Variants in MIR2052HG observed in about 807,000 individuals in gnomAD.
MIR2052HG encodes MIR2052 host gene.
At chr8:74,611,408 C>T (rs951197967) in intron 1 of MIR2052HG, among the ~76,000 whole-genome samples, 6 of 151,904 alleles carry the variant, frequency 3.9e-5, no homozygotes, top group African/African-American at 1.4e-4. Flanking sequence ...AAGAATTTGG[C>T]GATTTTTAAA....
intron 1 of MIR2052HG, among the ~76,000 whole-genome samples, chr8:74,600,560 C>G (rs1211495008): frequency 6.8e-6 from 1 of 146,826 alleles, no homozygotes; most frequent in Non-Finnish European, 1.5e-5. Context: ...AAGAGCAAAA[C>G]TCCCTCTCAA....
intron 2 of MIR2052HG, among the ~76,000 whole-genome samples, chr8:74,627,027 C>T (rs763310663): frequency 3.3e-5 from 5 of 152,246 alleles, no homozygotes; most frequent in Non-Finnish European, 5.9e-5. Context: ...ATGGTGGCTT[C>T]TGTCATGTCC....
intron 2 of MIR2052HG, among the ~76,000 whole-genome samples, chr8:74,613,970 A>G (rs566457133): frequency 1.0e-3 from 155 of 152,346 alleles, no homozygotes; most frequent in Non-Finnish European, 1.8e-3. Flanking sequence ...TTATATATTT[A>G]GTTTTCTGAA....
chr8:74,667,582 T>C (rs1808943867), intron 2 of MIR2052HG, among the ~76,000 whole-genome samples: 1 of 152,190 alleles, frequency 6.6e-6, no homozygotes, highest in Non-Finnish European at 1.5e-5. Flanking sequence ...CACATGCTAC[T>C]GCAGAAACCC....
chr8:74,664,271 G>A (rs1267861204), intron 2 of MIR2052HG, among the ~76,000 whole-genome samples: 1 of 151,530 alleles, frequency 6.6e-6, no homozygotes, highest in African/African-American at 2.4e-5. Context: ...AAAAGGGATT[G>A]AAATTTAAAA....
chr8:74,603,830 G>A, intron 1 of MIR2052HG: 2 of 849,782 alleles, frequency 2.4e-6, no homozygotes, highest in Non-Finnish European at 4.2e-6. Flanking sequence ...GTTGAGTTGG[G>A]TAGCATATCC....
rs568933484 is a variant in MIR2052HG, at chr8:74,677,707, G to A, written n.217-24672G>A. On this transcript the variant is annotated intron_variant and non_coding_transcript_variant, in intron 2 of 6. Coordinates refer to ENST00000523442, the Ensembl canonical transcript of MIR2052HG. ...ATGCAGTGAAAGCAGTATTTTAGGA[G>A]CAACATAGTGTGAATTTGCCAGTAT... Among the ~76,000 whole-genome samples, 88 of 152,182 alleles carry A rather than the reference G, an allele frequency of 5.8e-4. 1 individual carries two copies. The highest frequency in any genetic ancestry group is 1.9e-3 in the African/African-American group (80 of 41,540).
At chr8:74,726,957 A>T (rs1352541605) in intron 4 of MIR2052HG, among the ~76,000 whole-genome samples, 1 of 152,216 alleles carries the variant, frequency 6.6e-6, no homozygotes, top group Non-Finnish European at 1.5e-5. Flanking sequence ...TTATCTTTCC[A>T]ATGCCAAGTT....
chr8:74,636,962 T>G (rs910647875), intron 2 of MIR2052HG, among the ~76,000 whole-genome samples: 17 of 152,118 alleles, frequency 1.1e-4, no homozygotes, highest in Admixed American at 1.0e-3. Context: ...GACCACACTT[T>G]GGGTGGCAGG....
intron 2 of MIR2052HG, among the ~76,000 whole-genome samples, chr8:74,648,589 A>G (rs368053333): frequency 8.9e-4 from 135 of 152,150 alleles, no homozygotes; most frequent in South Asian, 7.9e-3. Flanking sequence ...TCACGGTCCT[A>G]CCAATATGTG....
chr8:74,726,877 A>G (rs1023474004), intron 4 of MIR2052HG, among the ~76,000 whole-genome samples: 1 of 152,212 alleles, frequency 6.6e-6, no homozygotes, highest in African/African-American at 2.4e-5. Flanking sequence ...GGGCTGCCCA[A>G]TATATTTTAG....
intron 2 of MIR2052HG, among the ~76,000 whole-genome samples, chr8:74,701,405 C>T (rs1809356167): frequency 6.6e-6 from 1 of 152,028 alleles, no homozygotes; most frequent in Non-Finnish European, 1.5e-5. Flanking sequence ...GAGAATGCTT[C>T]ATTGTGCGGG....
chr8:74,641,740 A>C (rs1292523805), intron 2 of MIR2052HG, among the ~76,000 whole-genome samples: 3 of 152,174 alleles, frequency 2.0e-5, no homozygotes, highest in Non-Finnish European at 4.4e-5. Context: ...GAACCTGTTT[A>C]TCCTCATCCC....
intron 2 of MIR2052HG, among the ~76,000 whole-genome samples, chr8:74,664,277 T>A (rs1352864018): frequency 6.6e-6 from 1 of 151,158 alleles, no homozygotes; most frequent in African/African-American, 2.4e-5. Flanking sequence ...GATTGAAATT[T>A]AAAAAAAAGA....
chr8:74,751,143 C>T (rs1809940752), intron 4 of MIR2052HG, among the ~76,000 whole-genome samples: 1 of 152,138 alleles, frequency 6.6e-6, no homozygotes, highest in South Asian at 2.1e-4. Flanking sequence ...TGCAGAGTGG[C>T]AAAAAAGTTT....
intron 4 of MIR2052HG, among the ~76,000 whole-genome samples, chr8:74,725,523 G>C (rs1054497572): frequency 2.6e-5 from 4 of 152,174 alleles, no homozygotes; most frequent in Non-Finnish European, 1.5e-5. Context: ...CAACTCAGGT[G>C]CTTCTCATAG....
intron 2 of MIR2052HG, among the ~76,000 whole-genome samples, chr8:74,681,382 A>G (rs1439172582): frequency 6.6e-6 from 1 of 152,122 alleles, no homozygotes; most frequent in Admixed American, 6.6e-5. Flanking sequence ...AAACCTTTCT[A>G]ATAAAGTATA....
chr8:74,600,258 GCT>G (rs1807974729), intron 1 of MIR2052HG, among the ~76,000 whole-genome samples: 5 of 151,778 alleles, frequency 3.3e-5, no homozygotes. Flanking sequence ...CTCCCTGAAA[GCT>G]CTGTTTTATT....
intron 2 of MIR2052HG, among the ~76,000 whole-genome samples, chr8:74,677,173 C>T (rs1809061934): frequency 6.6e-6 from 1 of 151,890 alleles, no homozygotes; most frequent in Admixed American, 6.6e-5. Context: ...CCTACATGCA[C>T]TAATAAAATC....
Sources: gnomAD v4.1 joint callset for allele counts (sites outside exome capture counted in the v4.1 genomes callset) on GRCh38, gnomAD v4.1.1 for gene constraint, MANE v1.5 for transcripts, NCBI Gene and HGNC (gene_info 2026-07-23, HGNC 2026-07-21) for gene names.